The following UGT2B15 variants were observed in gnomAD, a reference collection of about 807,000 sequenced individuals.
UGT2B15 encodes UDP glucuronosyltransferase family 2 member B15, also known as UDP-glucuronosyltransferase 2B15.
Under a neutral mutation model 45.9 loss-of-function variants are expected in UGT2B15, and 36 were observed. The observed-to-expected ratio is 0.78, with a 90% CI of 0.60 to 1.04. The LOEUF (loss-of-function observed/expected upper bound fraction) is 1.04, where lower values mean the gene tolerates loss of function less well. Ranked by LOEUF, UGT2B15 falls within the 50% of genes least tolerant of loss-of-function variation. The pLI, the probability that UGT2B15 is intolerant of heterozygous loss-of-function variation, is 0.00. For missense variants in UGT2B15, 617 were observed against 622.4 expected (o/e 0.99, Z 0.09); for synonymous variants, 219 against 216.4 (o/e 1.01, Z -0.11).
In UGT2B15 at chr4:68,647,119, C is replaced by G; in HGVS notation, c.1578G>C (p.Lys526Asn). ...CFRKLAKKGK[K>N]KKRD ...TTTGATATAACTAATCTCTTTTCTT[C>G]TTCTTTCCTTTTTTGGCAAGCTTTC... The change falls in exon 6 of 6, where the codon AAG (lysine) becomes AAC (asparagine). Residue 526 changes from lysine (K) to asparagine (N), a missense_variant. Lys to Asn is a moderately conservative substitution (Grantham distance 94, BLOSUM62 0). Around this residue, in one of 3 missense-constraint regions of UGT2B15, gnomAD observed 265 missense variants for 245.1 expected, o/e 1.08. Transcript: ENST00000338206. 6.2e-7 allele frequency: 1 copy of G among 1,613,464 alleles called. No homozygotes were observed. The highest frequency in any genetic ancestry group is 8.5e-7 in the Non-Finnish European group (1 of 1,179,606).
chr4:68,660,400 T>C (rs1448651410), intron 3 of UGT2B15, among the ~76,000 whole-genome samples: 2 of 151,988 alleles, frequency 1.3e-5, no homozygotes, highest in Admixed American at 6.6e-5. Context: ...TATTTGATGG[T>C]AGAAATCTAT....
intron 2 of UGT2B15, among the ~76,000 whole-genome samples, chr4:68,666,158 A>G (rs1382506763): frequency 2.0e-5 from 3 of 152,154 alleles, no homozygotes; most frequent in Non-Finnish European, 2.9e-5. Context: ...AGTACACAGA[A>G]TTACCTTTTA....
intron 1 of UGT2B15, among the ~76,000 whole-genome samples, chr4:68,669,406 A>G (rs185967467): frequency 4.6e-5 from 7 of 152,274 alleles, no homozygotes; most frequent in Admixed American, 2.0e-4. Context: ...GAGCCACTAT[A>G]TTACTCAACT....
intron 2 of UGT2B15, among the ~76,000 whole-genome samples, chr4:68,665,039 A>G (rs1733080125): frequency 6.6e-6 from 1 of 152,162 alleles, no homozygotes; most frequent in Non-Finnish European, 1.5e-5. Flanking sequence ...TGAAGTAATA[A>G]AACATCTATT....
intron 5 of UGT2B15, among the ~76,000 whole-genome samples, chr4:68,653,265 G>C (rs1732707325): frequency 6.6e-6 from 1 of 151,906 alleles, no homozygotes; most frequent in Admixed American, 6.6e-5. Context: ...TGATAAATGG[G>C]TAATTTTGGT....
chr4:68,654,845 G>T (rs1234784914), intron 4 of UGT2B15, among the ~76,000 whole-genome samples: 2 of 152,050 alleles, frequency 1.3e-5, no homozygotes, highest in Non-Finnish European at 2.9e-5. Context: ...AAACCTGTGA[G>T]AGGAAATTAC....
At chr4:68,660,384 C>T (rs900401375) in intron 3 of UGT2B15, among the ~76,000 whole-genome samples, 6 of 151,840 alleles carry the variant, frequency 4.0e-5, no homozygotes, top group African/African-American at 7.3e-5. Context: ...TCACCCAACT[C>T]GTAGGTATTT....
intron 5 of UGT2B15, among the ~76,000 whole-genome samples, chr4:68,653,572 T>C (rs534562156): frequency 6.6e-6 from 1 of 152,108 alleles, no homozygotes; most frequent in African/African-American, 2.4e-5. Flanking sequence ...TATGTAAACA[T>C]ACTAAATATA....
chr4:68,662,102 T>C (rs4148262), intron 3 of UGT2B15, among the ~76,000 whole-genome samples: 97,435 of 151,818 alleles, frequency 0.64, 31,551 homozygotes, highest in Admixed American at 0.66. Context: ...CAAAAACTTG[T>C]ATAGATCATT....
At chr4:68,656,461 A>T (rs1215407687) in intron 3 of UGT2B15, among the ~76,000 whole-genome samples, 3 of 151,802 alleles carry the variant, frequency 2.0e-5, no homozygotes, top group African/African-American at 4.8e-5. Flanking sequence ...GACTTGATCA[A>T]ATCTGAGTGA....
At chr4:68,655,302 A>G in intron 3 of UGT2B15, 120 bp from the exon 4 acceptor site, 1 of 1,268,618 alleles carries the variant, frequency 7.9e-7, no homozygotes, top group Non-Finnish European at 1.1e-6. Flanking sequence ...AGAAATAAGA[A>G]GAAGTGATGT....
intron 5 of UGT2B15, among the ~76,000 whole-genome samples, chr4:68,653,643 C>A (rs1444329830): frequency 1.5e-4 from 23 of 151,874 alleles, no homozygotes; most frequent in African/African-American, 5.6e-4. Flanking sequence ...TATCACATTT[C>A]TTAAAATAAT....
rs1316162983 is a variant in UGT2B15, at chr4:68,647,046, G to A, written c.*58C>T. ...AAATCCTCCATTTAAAACCCTCCAT[G>A]CTGAAATAAAGGAGGAGTCCCATCT... On this transcript the variant is annotated 3_prime_UTR_variant, in exon 6 of 6. Transcript: ENST00000338206. The A allele has an allele frequency of 1.3e-6, 2 of 1,554,100 alleles. No homozygotes were observed. The highest frequency in any genetic ancestry group is 2.7e-5 in the African/African-American group (2 of 72,896).
intron 2 of UGT2B15, among the ~76,000 whole-genome samples, chr4:68,666,569 A>C (rs1733125626): frequency 6.6e-6 from 1 of 151,878 alleles, no homozygotes; most frequent in Non-Finnish European, 1.5e-5. Context: ...CTCATGTAAA[A>C]GTTCCTAAAT....
chr4:68,652,721 A>G (rs903155113), intron 5 of UGT2B15, among the ~76,000 whole-genome samples: 4 of 151,644 alleles, frequency 2.6e-5, no homozygotes, highest in African/African-American at 9.7e-5. Context: ...CAAAAAGTAA[A>G]AAAAAAAATC....
chr4:68,648,037 AAAG>A (rs1732534294), intron 5 of UGT2B15, among the ~76,000 whole-genome samples: 2 of 152,040 alleles, frequency 1.3e-5, no homozygotes, highest in South Asian at 2.1e-4. Flanking sequence ...TGACGTATTT[AAAG>A]AAGAATTGTG....
At chr4:68,656,426 C>T (rs1732809392) in intron 3 of UGT2B15, among the ~76,000 whole-genome samples, 2 of 151,330 alleles carry the variant, frequency 1.3e-5, no homozygotes, top group Admixed American at 1.3e-4. Context: ...AGTATTTCTC[C>T]CATCAGATTT....
chr4:68,649,780 C>T (rs553615394), intron 5 of UGT2B15, among the ~76,000 whole-genome samples: 3 of 151,668 alleles, frequency 2.0e-5, no homozygotes, highest in Non-Finnish European at 4.4e-5. Context: ...TTTGTCTTTT[C>T]TTTTTGGTCT....
At chr4:68,653,556 T>A (rs1732714272) in intron 5 of UGT2B15, among the ~76,000 whole-genome samples, 1 of 152,018 alleles carries the variant, frequency 6.6e-6, no homozygotes, top group African/African-American at 2.4e-5. Context: ...GCTGTGGCTT[T>A]GTAACTATGT....
Sources: allele counts gnomAD v4.1 joint callset (sites outside exome capture counted in the v4.1 genomes callset), GRCh38; gene constraint gnomAD v4.1.1; regional missense constraint gnomAD v4.1.1; transcripts MANE v1.5; gene names NCBI Gene and HGNC (gene_info 2026-07-23, HGNC 2026-07-21).